LATS1: variants seen among roughly 807,000 people sequenced by gnomAD.
LATS1 encodes the protein large tumor suppressor kinase 1.
Under a neutral mutation model 106.6 loss-of-function variants are expected in LATS1, and 25 were observed. That is an observed-to-expected ratio of 0.23 (90% CI 0.17 to 0.33). The LOEUF is 0.33. Among genes scored for constraint, LATS1 ranks in the 10% least tolerant of loss-of-function variants. LATS1 has a pLI of 1.00. For synonymous variants in LATS1, 465 were observed against 455.6 expected (o/e 1.02, Z -0.26); for missense variants, 1,040 against 1,382.6 (o/e 0.75, Z 3.93).
In LATS1 at chr6:149,694,162, G is replaced by A. The variant is rs184291974; in HGVS notation, c.496+912C>T. 4.4e-3 allele frequency among the ~76,000 whole-genome samples: 664 copies of A among 152,204 alleles called. 7 individuals are homozygous for A. The highest frequency in any genetic ancestry group is 0.015 in the African/African-American group (626 of 41,526). On this transcript the variant is annotated intron_variant, in intron 3 of 7. Coordinates refer to ENST00000543571, the MANE Select transcript of LATS1 (RefSeq NM_004690.4). ...AGCAATATCTATGAAAAGCCTTAAC[G>A]TTTTTTAAGTTTTCTAAAACTTACT...
chr6:149,668,065 T>C (rs1781254056), intron 7 of LATS1, among the ~76,000 whole-genome samples: 1 of 152,088 alleles, frequency 6.6e-6, no homozygotes, highest in Non-Finnish European at 1.5e-5. Context: ...GGATTACAGG[T>C]GCACGCCACC....
chr6:149,672,917 C>G (rs1781516943), intron 7 of LATS1, among the ~76,000 whole-genome samples: 1 of 151,928 alleles, frequency 6.6e-6, no homozygotes, highest in Admixed American at 6.5e-5. Context: ...GCACTCCAGT[C>G]TGGGCAACAA....
At chr6:149,665,946 A>G (rs750454789) in intron 7 of LATS1, among the ~76,000 whole-genome samples, 4 of 152,010 alleles carry the variant, frequency 2.6e-5, no homozygotes, top group African/African-American at 4.8e-5. Flanking sequence ...GTTTGAGACC[A>G]GCCTGGCCAA....
rs9393132 is a variant in LATS1, at chr6:149,659,317, A to C, written c.*2412T>G. 0.42 allele frequency: 79,227 copies of C among 189,908 alleles called. 17,847 individuals are homozygous for C. The highest frequency in any genetic ancestry group is 0.77 in the East Asian group (9,321 of 12,108). 11.8% of individuals were successfully genotyped at this position (189,908 alleles called of 1,614,324 possible). A position where few individuals can be genotyped will look rare whatever the true frequency, so the allele number is the denominator to read the frequency against. Reference sequence around the variant, plus strand: ...ACCCCATCTCTACTAAAGATACAAAAATTAGCTGGGCTTGGTGGCGCATGC... The same window carrying C: ...ACCCCATCTCTACTAAAGATACAAACATTAGCTGGGCTTGGTGGCGCATGC... On this transcript the variant is annotated 3_prime_UTR_variant, in exon 8 of 8. Transcript: ENST00000543571.
intron 2 of LATS1, among the ~76,000 whole-genome samples, chr6:149,700,924 C>T (rs1783419473): frequency 6.6e-6 from 1 of 152,174 alleles, no homozygotes; most frequent in Non-Finnish European, 1.5e-5. Context: ...GCTGGGATTA[C>T]AGGCATGTGC....
intron 1 of LATS1, among the ~76,000 whole-genome samples, chr6:149,715,065 ATTTC>A (rs1037821253): frequency 1.3e-5 from 2 of 151,540 alleles, no homozygotes; most frequent in Non-Finnish European, 2.9e-5. Flanking sequence ...TTTATTTATT[ATTTC>A]TTTATTTCTT....
intron 7 of LATS1, among the ~76,000 whole-genome samples, chr6:149,671,331 G>A (rs1012037858): frequency 5.3e-5 from 8 of 151,726 alleles, no homozygotes; most frequent in Non-Finnish European, 1.0e-4. Flanking sequence ...ACGGGGTTTC[G>A]CCATGTTGAC....
chr6:149,673,429 T>C (rs1781549526), intron 7 of LATS1, among the ~76,000 whole-genome samples: 1 of 151,924 alleles, frequency 6.6e-6, no homozygotes, highest in South Asian at 2.1e-4. Flanking sequence ...TGTATTATGC[T>C]GGCTAAGATT....
At chr6:149,697,157 G>A (rs1335194161) in intron 2 of LATS1, 2 of 1,343,926 alleles carry the variant, frequency 1.5e-6, no homozygotes, top group East Asian at 4.6e-5. Context: ...TAAGACTAAT[G>A]GGTGAACAGG....
intron 1 of LATS1, among the ~76,000 whole-genome samples, chr6:149,711,046 T>C (rs1330788156): frequency 1.3e-5 from 2 of 152,052 alleles, no homozygotes; most frequent in Non-Finnish European, 2.9e-5. Context: ...GTTAAGACCA[T>C]ATTAAAGACG....
At chr6:149,687,902 C>G (rs1419157417) in intron 3 of LATS1, among the ~76,000 whole-genome samples, 3 of 137,252 alleles carry the variant, frequency 2.2e-5, no homozygotes, top group African/African-American at 8.3e-5. Context: ...GAGGCGGAGT[C>G]TCGCTCTGTC....
rs1780906431 is a variant in LATS1, at chr6:149,662,050, A to C, written c.3072T>G (p.Ala1024=). The change falls in exon 8 of 8, where the codon GCT becomes GCG. Residue 1024 remains alanine (A), a synonymous_variant. Transcript: ENST00000543571. ...GGTGTGTGATTTTAGGAATGTATGA[A>C]GCAGACTGCTGTCTCAGGTCACTGG... is the stretch of plus-strand genomic sequence containing the variant. ...DFSSDLRQQS[A]SYIPKITHPT... 1.2e-6 allele frequency: 2 copies of C among 1,614,064 alleles called. No individual in the cohort carries two copies. The highest frequency in any genetic ancestry group is 1.3e-5 in the African/African-American group (1 of 74,944).
chr6:149,668,895 T>C (rs1384544408), intron 7 of LATS1, among the ~76,000 whole-genome samples: 1 of 151,624 alleles, frequency 6.6e-6, no homozygotes, highest in Admixed American at 6.6e-5. Context: ...CTTGACCTCC[T>C]GGACTTAAGG....
rs567866508 is a variant in LATS1, at chr6:149,698,427, G to T, written c.349-3206C>A. Among the ~76,000 whole-genome samples, 20 of 151,674 alleles carry T rather than the reference G, an allele frequency of 1.3e-4. No homozygotes were observed. The South Asian group carries it at 4.0e-3, about 30-fold the overall frequency. ...CCTGGCTGATTTTTAACTTTTTTTT[G>T]TAGAGACAGGGTCTCACTATGTTGC... On this transcript the variant is annotated intron_variant, in intron 2 of 7. Transcript: ENST00000543571.
intron 3 of LATS1, among the ~76,000 whole-genome samples, chr6:149,693,196 G>A (rs1782871222): frequency 6.6e-6 from 1 of 151,942 alleles, no homozygotes; most frequent in Non-Finnish European, 1.5e-5. Flanking sequence ...CCGGGAGGCG[G>A]AGGTTGGGAG....
intron 2 of LATS1, among the ~76,000 whole-genome samples, chr6:149,695,893 C>G (rs917814388): frequency 3.3e-5 from 5 of 151,560 alleles, no homozygotes; most frequent in African/African-American, 1.2e-4. Context: ...ATTCTGATTA[C>G]TTCTAATTCT....
intron 3 of LATS1, among the ~76,000 whole-genome samples, chr6:149,692,575 T>A (rs867533220): frequency 1.3e-5 from 2 of 152,234 alleles, no homozygotes; most frequent in East Asian, 1.9e-4. Flanking sequence ...ACTTACCCAA[T>A]GCAGAACAAA....
At chr6:149,703,590 C>T (rs1336555586) in intron 1 of LATS1, among the ~76,000 whole-genome samples, 1 of 152,074 alleles carries the variant, frequency 6.6e-6, no homozygotes. Flanking sequence ...AGGGGCCAGG[C>T]ATGGTGGCTC....
At chr6:149,688,031 C>T (rs1046535249) in intron 3 of LATS1, among the ~76,000 whole-genome samples, 3 of 151,822 alleles carry the variant, frequency 2.0e-5, no homozygotes, top group Non-Finnish European at 2.9e-5. Flanking sequence ...CCCACCACCA[C>T]GCCCAGCTAA....
Sources: allele counts gnomAD v4.1 joint callset (sites outside exome capture counted in the v4.1 genomes callset), GRCh38; gene constraint gnomAD v4.1.1; transcripts MANE v1.5; gene names NCBI Gene and HGNC (gene_info 2026-07-23, HGNC 2026-07-21).